PCDH11X: variants seen among roughly 807,000 people sequenced by gnomAD.
PCDH11X encodes protocadherin 11 X-linked.
PCDH11X carries 18 observed loss-of-function variants against 53.3 expected under a neutral mutation model. The observed-to-expected ratio is 0.34, with a 90% CI of 0.23 to 0.50. PCDH11X has a LOEUF of 0.50. PCDH11X is among the 20% of genes least tolerant of loss of function. PCDH11X has a pLI of 0.98. For synonymous variants in PCDH11X, 279 were observed against 393.3 expected, an observed-to-expected ratio of 0.71 and a Z score of 3.44; for missense variants, 570 against 1,032.4, an observed-to-expected ratio of 0.55 and a Z score of 6.14.
rs190322757 is a variant in PCDH11X, at chrX:92,325,485, T to C, written c.3145-62250T>C. 5.4e-5 allele frequency among the ~76,000 whole-genome samples: 6 copies of C among 111,661 alleles called. No homozygotes were observed. The East Asian group carries it at 1.7e-3, about 32-fold the overall frequency. ...GGGAAACAGCAATTTAACAAGTAAA[T>C]TTTAGGAAATGCAGCGTTCTAATTT... On this transcript the variant is annotated intron_variant, in intron 8 of 10. Transcript: ENST00000682573.
Position 91,914,260 on chromosome X carries a change from G to A in PCDH11X, c.3033+34987G>A, listed in dbSNP as rs768482424. On this transcript the variant is annotated intron_variant, in intron 6 of 10. Transcript: ENST00000682573. ...ACAAGAAAATAAATCTGAACAGCAG[G>A]CCTTAAGTTTCATACCTCTCCACTG... is the stretch of plus-strand genomic sequence containing the variant. 2.7e-5 allele frequency among the ~76,000 whole-genome samples: 3 copies of A among 110,604 alleles called. No individual in the cohort carries two copies. In the South Asian group the frequency reaches 1.2e-3, roughly 43 times the overall value.
At chrX:92,234,209 G>A (rs1006992181) in intron 7 of PCDH11X, among the ~76,000 whole-genome samples, 5 of 111,853 alleles carry the variant, frequency 4.5e-5, no homozygotes, top group Admixed American at 1.9e-4. Context: ...ATCTTTGCTT[G>A]TCTATAGCAT....
Position 92,605,569 on chromosome X carries a change from A to G in PCDH11X, c.3368-12695A>G, listed in dbSNP as rs760763377. 4.7e-3 allele frequency among the ~76,000 whole-genome samples: 523 copies of G among 112,238 alleles called. 6 individuals are homozygous for G. The highest frequency in any genetic ancestry group is 0.016 in the African/African-American group (492 of 30,986). On this transcript the variant is annotated intron_variant, in intron 10 of 10. Transcript: ENST00000682573. The stretch of plus-strand genomic sequence containing the variant: ...TATTTGAAGATGATATGAGTTTCTT[A>G]TACAGAAAATCTTACGAAATCTATT...
At chrX:92,219,777 A>C in intron 7 of PCDH11X, among the ~76,000 whole-genome samples, 1 of 84,638 alleles carries the variant, frequency 1.2e-5, no homozygotes, top group Non-Finnish European at 2.4e-5. Flanking sequence ...TGGAGGCATC[A>C]TGCTACCTGA....
At chrX:92,487,189 A>T (rs1359926437) in intron 10 of PCDH11X, among the ~76,000 whole-genome samples, 1 of 105,241 alleles carries the variant, frequency 9.5e-6, no homozygotes, top group Non-Finnish European at 1.9e-5. Flanking sequence ...AGTAGATGGG[A>T]TTACAGGCAT....
chrX:92,352,039 T>G (rs752569041), intron 8 of PCDH11X, among the ~76,000 whole-genome samples: 9 of 112,048 alleles, frequency 8.0e-5, no homozygotes, highest in Non-Finnish European at 1.9e-5. Context: ...TATTTCCAGT[T>G]GCCCTACAAC....
chrX:92,506,013 G>C (rs1432354605), intron 10 of PCDH11X, among the ~76,000 whole-genome samples: 3 of 110,366 alleles, frequency 2.7e-5, no homozygotes, highest in African/African-American at 9.9e-5. Context: ...CACTGATTTT[G>C]TGTCCTGAAA....
chrX:92,126,404 A>G (rs976059399), intron 6 of PCDH11X, among the ~76,000 whole-genome samples: 4 of 111,055 alleles, frequency 3.6e-5, no homozygotes, highest in African/African-American at 1.3e-4. Context: ...TGAGGTTAGG[A>G]GTTTGAAACC....
At chrX:92,516,427 T>A (rs1400911532) in intron 10 of PCDH11X, among the ~76,000 whole-genome samples, 2 of 112,150 alleles carry the variant, frequency 1.8e-5, no homozygotes, top group Non-Finnish European at 3.8e-5. Context: ...GTCTGACTTT[T>A]TGTTAACAGA....
chrX:92,007,426 C>T (rs1370916974), intron 6 of PCDH11X, among the ~76,000 whole-genome samples: 1 of 111,473 alleles, frequency 9.0e-6, no homozygotes, highest in Non-Finnish European at 1.9e-5. Flanking sequence ...AGACTACCAC[C>T]AATACTCCCT....
intron 10 of PCDH11X, among the ~76,000 whole-genome samples, chrX:92,511,329 A>G (rs748791515): frequency 8.9e-6 from 1 of 111,878 alleles, no homozygotes; most frequent in East Asian, 2.8e-4. Context: ...AGAAGGGACA[A>G]CAGAGACGCT....
intron 8 of PCDH11X, among the ~76,000 whole-genome samples, chrX:92,355,161 T>C (rs6615369): frequency 0.22 from 22,788 of 102,035 alleles, 3,083 homozygotes; most frequent in East Asian, 0.82. Flanking sequence ...GGCGCGGTGG[T>C]TCACGCCTGT....
At chrX:92,124,924 C>T (rs1211334909) in intron 6 of PCDH11X, among the ~76,000 whole-genome samples, 2 of 111,055 alleles carry the variant, frequency 1.8e-5, no homozygotes, top group African/African-American at 6.5e-5. Flanking sequence ...ATGTCTGTCT[C>T]GCTCATCACT....
intron 10 of PCDH11X, among the ~76,000 whole-genome samples, chrX:92,556,455 C>G (rs1381164207): frequency 6.3e-5 from 7 of 111,294 alleles, no homozygotes; most frequent in Non-Finnish European, 9.4e-5. Flanking sequence ...TGGCAAAAAC[C>G]AAGAGGCTAC....
chrX:92,112,400 T>TCCCA (rs2064538955), intron 6 of PCDH11X, among the ~76,000 whole-genome samples: 1 of 110,215 alleles, frequency 9.1e-6, no homozygotes, highest in Non-Finnish European at 1.9e-5. Flanking sequence ...ACAAATTCTT[T>TCCCA]CCCAAAGAAT....
At chrX:92,207,497 C>T (rs1250416450) in intron 7 of PCDH11X, among the ~76,000 whole-genome samples, 1 of 111,486 alleles carries the variant, frequency 9.0e-6, no homozygotes, top group African/African-American at 3.3e-5. Context: ...CTTTTTCATG[C>T]TTTTCTATGA....
intron 10 of PCDH11X, among the ~76,000 whole-genome samples, chrX:92,494,512 C>A (rs753230477): frequency 9.0e-6 from 1 of 110,724 alleles, no homozygotes; most frequent in East Asian, 2.9e-4. Context: ...AGTTGACCTT[C>A]CACTTTGTTT....
At chrX:92,356,572 C>T (rs1442355395) in intron 8 of PCDH11X, among the ~76,000 whole-genome samples, 1 of 74,076 alleles carries the variant, frequency 1.3e-5, no homozygotes, top group South Asian at 5.7e-4. Context: ...GCAGAGAACA[C>T]ATTTGCTTGT....
chrX:92,138,967 A>G (rs1314169064), intron 6 of PCDH11X, among the ~76,000 whole-genome samples: 1 of 108,692 alleles, frequency 9.2e-6, no homozygotes, highest in Non-Finnish European at 1.9e-5. Context: ...TGTACACAAC[A>G]CATTTTAATT....
Sources: allele counts gnomAD v4.1 joint callset (sites outside exome capture counted in the v4.1 genomes callset), GRCh38; gene constraint gnomAD v4.1.1; transcripts MANE v1.5; gene names NCBI Gene and HGNC (gene_info 2026-07-23, HGNC 2026-07-21).